Variants in SPHKAP observed in about 807,000 individuals in gnomAD.
SPHKAP encodes the protein A-kinase anchor protein SPHKAP.
In SPHKAP, 67 loss-of-function variants were observed where a neutral mutation model predicts 137.5. The observed-to-expected ratio is 0.49, with a 90% CI of 0.40 to 0.60. SPHKAP has a LOEUF of 0.60. SPHKAP is among the 20% of genes least tolerant of loss of function. The pLI, the probability that SPHKAP is intolerant of heterozygous loss-of-function variation, is 0.00. For missense variants in SPHKAP, 2,097 were observed against 2,069.3 expected (o/e 1.01, Z -0.26); for synonymous variants, 813 against 785.3 (o/e 1.04, Z -0.59).
chr2:228,089,693 C>A (rs1697657317), intron 3 of SPHKAP, among the ~76,000 whole-genome samples: 1 of 152,174 alleles, frequency 6.6e-6, no homozygotes, highest in Non-Finnish European at 1.5e-5. Flanking sequence ...CCCTGCTCAG[C>A]CTTAGAATAC....
intron 3 of SPHKAP, among the ~76,000 whole-genome samples, chr2:228,048,113 G>T (rs958720594): frequency 5.9e-5 from 9 of 152,124 alleles, no homozygotes; most frequent in Non-Finnish European, 1.5e-5. Flanking sequence ...GTCCGCTGGG[G>T]CTGAAGGGGA....
chr2:228,158,568 AG>A (rs1224233407), intron 1 of SPHKAP, among the ~76,000 whole-genome samples: 1 of 152,174 alleles, frequency 6.6e-6, no homozygotes, highest in Non-Finnish European at 1.5e-5. Flanking sequence ...AAATATAAAA[AG>A]ATTCAAAATT....
At chr2:227,982,100 G>C in intron 11 of SPHKAP, 1 of 983,222 alleles carries the variant, frequency 1.0e-6, no homozygotes, top group Non-Finnish European at 1.2e-6. Context: ...TGACTGCAGA[G>C]GATTAGGTGG....
chr2:228,092,160 T>C (rs894718642), intron 3 of SPHKAP, among the ~76,000 whole-genome samples: 10 of 115,228 alleles, frequency 8.7e-5, no homozygotes, highest in African/African-American at 3.0e-4. Context: ...CATATACATA[T>C]ATGTGTGTAC....
In SPHKAP at chr2:228,043,912, G is replaced by A. The variant is rs536127499; in HGVS notation, c.247-16369C>T. Among the ~76,000 whole-genome samples, 43 of 151,634 alleles carry A rather than the reference G, an allele frequency of 2.8e-4. No homozygotes were observed. The South Asian group carries it at 4.4e-3, about 15-fold the overall frequency. ...TGAAAGTCATACACATTTGCACAGA[G>A]AAAATATGAAAAAAGAAAAGGTAGA... is the stretch of plus-strand genomic sequence containing the variant. On this transcript the variant is annotated intron_variant, in intron 3 of 11. Coordinates refer to ENST00000392056, the MANE Select transcript of SPHKAP (RefSeq NM_001142644.2).
At position 228,135,410 on chromosome 2, in the gene SPHKAP, G is replaced by A. The variant is rs552833010; in HGVS notation, c.33-3325C>T. 1.3e-5 allele frequency among the ~76,000 whole-genome samples: 2 copies of A among 152,112 alleles called. 1 individual carries two copies. Among genetic ancestry groups the A allele is most frequent in the African/African-American group, 4.8e-5 (2 of 41,430 alleles). On this transcript the variant is annotated intron_variant, in intron 1 of 11. Transcript: ENST00000392056. ...TAAAAATAGAGAAAACTAAAAGGTC[G>A]GCCTTGAAAACTACTTATTTGCCCA... is the stretch of plus-strand genomic sequence containing the variant.
chr2:228,124,774 G>T (rs551831643), intron 2 of SPHKAP, among the ~76,000 whole-genome samples: 12 of 152,180 alleles, frequency 7.9e-5, no homozygotes, highest in Admixed American at 1.3e-4. Context: ...CTGTGAAAAA[G>T]CCTTCCGATT....
intron 2 of SPHKAP, among the ~76,000 whole-genome samples, chr2:228,120,839 A>G (rs1559184459): frequency 6.6e-6 from 1 of 152,214 alleles, no homozygotes; most frequent in Non-Finnish European, 1.5e-5. Context: ...AAGAGTTACA[A>G]AAACAGATAC....
intron 8 of SPHKAP, 23 bp downstream of exon 8, chr2:227,995,486 G>A: frequency 1.2e-6 from 2 of 1,612,714 alleles, no homozygotes; most frequent in Non-Finnish European, 1.7e-6. Context: ...ATTTCCCTGG[G>A]AATTCAAGGG....
At chr2:227,989,822 G>A (rs966420088) in intron 11 of SPHKAP, among the ~76,000 whole-genome samples, 1 of 149,700 alleles carries the variant, frequency 6.7e-6, no homozygotes, top group African/African-American at 2.5e-5. Context: ...TCACCATGTT[G>A]GTCAGGCTGG....
chr2:228,122,015 T>G (rs1035584251), intron 2 of SPHKAP, among the ~76,000 whole-genome samples: 1 of 152,188 alleles, frequency 6.6e-6, no homozygotes, highest in Middle Eastern at 3.4e-3. Flanking sequence ...GAGGAGACCT[T>G]GAGGCCAGTG....
chr2:228,158,215 A>T (rs1196025452), intron 1 of SPHKAP, among the ~76,000 whole-genome samples: 2 of 152,160 alleles, frequency 1.3e-5, no homozygotes, highest in Non-Finnish European at 2.9e-5. Flanking sequence ...TACTGCCCAA[A>T]TTGTCCACTA....
intron 3 of SPHKAP, among the ~76,000 whole-genome samples, chr2:228,062,383 C>T (rs1696678521): frequency 6.6e-6 from 1 of 151,862 alleles, no homozygotes; most frequent in Non-Finnish European, 1.5e-5. Flanking sequence ...CCTCGGCCTC[C>T]CAAAGTGCTG....
At position 228,181,569 on chromosome 2, in the gene SPHKAP, T is replaced by C. The variant is rs754143366; in HGVS notation, c.30A>G (p.Pro10=). The C allele has an allele frequency of 1.3e-5, 21 of 1,613,976 alleles. No homozygotes were observed. In the East Asian group the frequency reaches 4.7e-4, roughly 36 times the overall value. MDGNSLLSV[P]SNLESSRMYD... is the part of the protein sequence containing the mutation. The stretch of plus-strand genomic sequence containing the variant: ...GCATAGAAAGAAGCGGGTCTTACCT[T>C]GGTACCGAGAGCAGGGAGTTGCCAT... The change falls in exon 1 of 12, where the codon CCA becomes CCG. Residue 10 remains proline (P), a splice_region_variant and synonymous_variant. Transcript: ENST00000392056. The surrounding 1 kb of genome is among the most constrained non-coding windows in gnomAD (Gnocchi z 4.3).
intron 1 of SPHKAP, among the ~76,000 whole-genome samples, chr2:228,148,530 C>A (rs1046500579): frequency 2.0e-5 from 3 of 152,124 alleles, no homozygotes; most frequent in Non-Finnish European, 2.9e-5. Flanking sequence ...AGGACGCTTG[C>A]AAGGACAGGG....
chr2:228,140,503 A>C (rs1699572164), intron 1 of SPHKAP, among the ~76,000 whole-genome samples: 1 of 152,168 alleles, frequency 6.6e-6, no homozygotes, highest in Admixed American at 6.5e-5. Context: ...AATGCACGGC[A>C]GGTACTGAGC....
rs141744245 is a variant in SPHKAP, at chr2:228,134,733, G to C, written c.33-2648C>G. ...CTAGGAGCCAGCCAAGGCCCTGTGTGCAGTTCAGAGAGACAGGATGTAGGG... is the reference window on the plus strand; with the variant it reads ...CTAGGAGCCAGCCAAGGCCCTGTGTCCAGTTCAGAGAGACAGGATGTAGGG... On this transcript the variant is annotated intron_variant, in intron 1 of 11. Transcript: ENST00000392056. Among the ~76,000 whole-genome samples the C allele has an allele frequency of 3.5e-3, 528 of 152,282 alleles. 1 individual carries two copies. The highest frequency in any genetic ancestry group is 0.012 in the African/African-American group (501 of 41,550).
rs1367600410 is a variant in SPHKAP, at chr2:227,980,749, C to G, written c.*968G>C. The G allele has an allele frequency of 6.6e-6, 1 of 152,072 alleles. No homozygotes were observed. Among genetic ancestry groups the G allele is most frequent in the East Asian group, 1.9e-4 (1 of 5,184 alleles). 9.4% of individuals were successfully genotyped at this position (152,072 alleles called of 1,614,324 possible). A position where few individuals can be genotyped will look rare whatever the true frequency, so the allele number is the denominator to read the frequency against. On this transcript the variant is annotated 3_prime_UTR_variant, in exon 12 of 12. Transcript: ENST00000392056. ...TCTGCTGTACAGGTAGCAGCACATA[C>G]GTGATGAAACAGGCCACTGAGCTCA...
intron 2 of SPHKAP, among the ~76,000 whole-genome samples, chr2:228,126,856 T>C (rs1418524908): frequency 6.6e-6 from 1 of 152,208 alleles, no homozygotes; most frequent in Non-Finnish European, 1.5e-5. Context: ...CAAGCAATTG[T>C]GTCTGGGTAG....
Sources: allele counts gnomAD v4.1 joint callset (sites outside exome capture counted in the v4.1 genomes callset), GRCh38; gene constraint gnomAD v4.1.1; non-coding constraint Gnocchi (gnomAD v3.1); transcripts MANE v1.5; gene names NCBI Gene and HGNC (gene_info 2026-07-23, HGNC 2026-07-21).